LRMDA: variants seen among roughly 807,000 people sequenced by gnomAD.
LRMDA encodes leucine-rich melanocyte differentiation-associated protein.
Under a neutral mutation model 29.8 loss-of-function variants are expected in LRMDA, and 18 were observed. The observed-to-expected ratio is 0.60, with a 90% CI of 0.42 to 0.90. LRMDA has a LOEUF of 0.90. LRMDA is among the 40% of genes least tolerant of loss of function. The pLI is 0.00. For missense variants in LRMDA, 273 were observed against 273.9 expected, an observed-to-expected ratio of 1.00 and a Z score of 0.02; for synonymous variants, 125 against 109.4, an observed-to-expected ratio of 1.14 and a Z score of -0.89.
chr10:75,491,032 C>T (rs1017730022), intron 2 of LRMDA, among the ~76,000 whole-genome samples: 2 of 152,182 alleles, frequency 1.3e-5, no homozygotes, highest in African/African-American at 4.8e-5. Context: ...GACCACCACT[C>T]CCACATACCC....
intron 2 of LRMDA, among the ~76,000 whole-genome samples, chr10:75,826,272 C>T (rs1191829673): frequency 6.6e-6 from 1 of 151,172 alleles, no homozygotes; most frequent in Admixed American, 6.6e-5. Context: ...AATGAATTGC[C>T]AAATGTCAAA....
intron 5 of LRMDA, among the ~76,000 whole-genome samples, chr10:76,282,552 G>T (rs774784439): frequency 5.3e-5 from 8 of 152,188 alleles, no homozygotes; most frequent in Non-Finnish European, 1.0e-4. Context: ...TGAAAGCAGA[G>T]CTTGATGAGA....
rs148156323 is a variant in LRMDA at position 76,010,406 on chromosome 10, G to A, written c.132-25602G>A. Among the ~76,000 whole-genome samples the A allele has an allele frequency of 5.9e-4, 89 of 150,004 alleles. No individual in the cohort carries two copies. The East Asian group carries it at 0.016, about 26-fold the overall frequency. On this transcript the variant is annotated intron_variant, in intron 2 of 6. Coordinates refer to ENST00000611255, the MANE Select transcript of LRMDA (RefSeq NM_001305581.2). ...CAACTCACTGCAACCTCCGCCTCCC[G>A]AGTTCAAGCAATTCTCCTGCCTCAG...
chr10:75,846,173 GTGTT>G lies in LRMDA; in HGVS notation c.132-189831_132-189828del, dbSNP rs58648682. ...TTGCTTTTGTTACTTATTTGTGTGT[GTGTT>G]TGTGTGTGTGTGTGTGTGTGTGTGT... is the stretch of plus-strand genomic sequence containing the variant. On this transcript the variant is annotated intron_variant, in intron 2 of 6. Coordinates refer to ENST00000611255, the MANE Select transcript of LRMDA (RefSeq NM_001305581.2). Among the ~76,000 whole-genome samples, 796 of 117,166 alleles carry G rather than the reference GTGTT, an allele frequency of 6.8e-3. 8 individuals are homozygous for G. Among genetic ancestry groups the G allele is most frequent in the African/African-American group, 0.027 (742 of 27,082 alleles). The allele number at this position is 117,166 out of a possible 152,430, so 76.9% of individuals were successfully genotyped here.
chr10:76,067,300 A>G (rs764370060), intron 5 of LRMDA, among the ~76,000 whole-genome samples: 1 of 152,218 alleles, frequency 6.6e-6, no homozygotes, highest in Non-Finnish European at 1.5e-5. Flanking sequence ...ATCACTGGCA[A>G]TGACTAAGAT....
intron 5 of LRMDA, among the ~76,000 whole-genome samples, chr10:76,090,143 G>T (rs929000011): frequency 2.6e-5 from 4 of 152,274 alleles, no homozygotes; most frequent in Admixed American, 1.3e-4. Context: ...TCCTGTATAT[G>T]GGGGAATGTC....
At chr10:75,457,525 GTT>G (rs1444159669) in intron 2 of LRMDA, among the ~76,000 whole-genome samples, 1 of 151,910 alleles carries the variant, frequency 6.6e-6, no homozygotes, top group Admixed American at 6.5e-5. Flanking sequence ...GGCTGCTGTT[GTT>G]TTATTTTCTT....
At chr10:76,448,308 C>T (rs546994579) in intron 6 of LRMDA, among the ~76,000 whole-genome samples, 1 of 151,956 alleles carries the variant, frequency 6.6e-6, no homozygotes, top group Admixed American at 6.6e-5. Flanking sequence ...TTTTAACAGC[C>T]CCTTAATGTC....
At chr10:75,749,951 A>G (rs141246974) in intron 2 of LRMDA, among the ~76,000 whole-genome samples, 3,244 of 152,306 alleles carry the variant, frequency 0.021, 106 homozygotes, top group African/African-American at 0.071. Flanking sequence ...TGGGGGTAAG[A>G]TTATAGATTA....
chr10:75,452,742 G>A (rs1008607187), intron 2 of LRMDA, among the ~76,000 whole-genome samples: 31 of 152,084 alleles, frequency 2.0e-4, no homozygotes, highest in Admixed American at 1.9e-3. Flanking sequence ...GGGAGTTTGA[G>A]GCAGCAATTT....
intron 5 of LRMDA, among the ~76,000 whole-genome samples, chr10:76,309,452 A>T (rs566816765): frequency 6.6e-6 from 1 of 152,290 alleles, no homozygotes; most frequent in South Asian, 2.1e-4. Flanking sequence ...AAAGCCTCTG[A>T]TCTGTCAGCC....
At chr10:76,189,906 T>C (rs988378550) in intron 5 of LRMDA, among the ~76,000 whole-genome samples, 1 of 152,160 alleles carries the variant, frequency 6.6e-6, no homozygotes, top group Non-Finnish European at 1.5e-5. Flanking sequence ...CTGCACACAG[T>C]GCATCAAATT....
chr10:75,500,780 T>C (rs1367985552), intron 2 of LRMDA, among the ~76,000 whole-genome samples: 1 of 152,124 alleles, frequency 6.6e-6, no homozygotes, highest in Non-Finnish European at 1.5e-5. Context: ...TTGTGAGAAC[T>C]CACTCACTAT....
intron 6 of LRMDA, among the ~76,000 whole-genome samples, chr10:76,418,734 A>G (rs1168938548): frequency 6.6e-6 from 1 of 152,032 alleles, no homozygotes; most frequent in African/African-American, 2.4e-5. Context: ...AATGAGTGCT[A>G]TAGAACTGTT....
intron 2 of LRMDA, among the ~76,000 whole-genome samples, chr10:75,860,701 G>A (rs376537841): frequency 9.2e-5 from 14 of 152,122 alleles, no homozygotes. Context: ...ACATTGGAAC[G>A]CTTCTCATAG....
intron 6 of LRMDA, among the ~76,000 whole-genome samples, chr10:76,422,270 G>A (rs954896380): frequency 1.3e-5 from 2 of 151,948 alleles, no homozygotes; most frequent in Non-Finnish European, 2.9e-5. Context: ...GTCTCCACAC[G>A]CTCACTCTCC....
intron 2 of LRMDA, among the ~76,000 whole-genome samples, chr10:75,909,657 G>C (rs894554220): frequency 6.6e-6 from 1 of 152,096 alleles, no homozygotes; most frequent in Non-Finnish European, 1.5e-5. Context: ...ATTTGACCTC[G>C]GGTAGGCTTT....
intron 2 of LRMDA, among the ~76,000 whole-genome samples, chr10:75,848,173 A>G (rs1456908274): frequency 6.6e-6 from 1 of 152,236 alleles, no homozygotes; most frequent in African/African-American, 2.4e-5. Context: ...AATGTCCATC[A>G]ATGGATGAAT....
At chr10:76,460,609 G>T (rs1243825993) in intron 6 of LRMDA, among the ~76,000 whole-genome samples, 3 of 152,210 alleles carry the variant, frequency 2.0e-5, no homozygotes, top group Non-Finnish European at 2.9e-5. Flanking sequence ...CAAGAACTGT[G>T]TATCTTTACC....
Sources: gnomAD v4.1 joint callset for allele counts (sites outside exome capture counted in the v4.1 genomes callset) on GRCh38, gnomAD v4.1.1 for gene constraint, MANE v1.5 for transcripts, NCBI Gene and HGNC (gene_info 2026-07-23, HGNC 2026-07-21) for gene names.